IL10RA: variants seen among roughly 807,000 people sequenced by gnomAD.
The protein encoded by IL10RA is interleukin-10 receptor subunit alpha.
IL10RA carries 18 observed loss-of-function variants against 29.6 expected under a neutral mutation model. The ratio of observed to expected loss-of-function variants is 0.61; its 90% CI spans 0.42 to 0.90. IL10RA has a LOEUF of 0.90. IL10RA is among the 40% of genes least tolerant of loss of function. The pLI is 0.00. For missense variants in IL10RA, 634 were observed against 716.6 expected (o/e 0.88, Z 1.32); for synonymous variants, 292 against 294.1 (o/e 0.99, Z 0.07).
At chr11:117,996,934 C>G (rs1397266723) in intron 6 of IL10RA, among the ~76,000 whole-genome samples, 2 of 152,182 alleles carry the variant, frequency 1.3e-5, no homozygotes, top group Non-Finnish European at 1.5e-5. Flanking sequence ...GGTTTTTTCT[C>G]TTCAGGATAA....
chr11:117,997,850 A>T (rs760531908), intron 6 of IL10RA, among the ~76,000 whole-genome samples: 3 of 152,166 alleles, frequency 2.0e-5, no homozygotes, highest in Non-Finnish European at 2.9e-5. Context: ...GTATTCAGGA[A>T]GGCTTTGCTG....
Position 117,989,726 on chromosome 11 carries a change from GCCTCC to G in IL10RA, c.367+108_367+112del. On this transcript the variant is annotated intron_variant, in intron 3 of 6. Coordinates refer to ENST00000227752, the MANE Select transcript of IL10RA (RefSeq NM_001558.4). The surrounding 1 kb of genome is among the most constrained non-coding windows in gnomAD (Gnocchi z 4.5). ...TTACCATAGCTCACCATGTCTGCCA[GCCTCC>G]CTGGCCGGAGAACTAGTTGCCCAAA... is the stretch of plus-strand genomic sequence containing the variant. The G allele has an allele frequency of 8.4e-7, 1 of 1,185,844 alleles. No homozygotes were observed. The allele number at this position is 1,185,844 out of a possible 1,614,324, so 73.5% of individuals were successfully genotyped here.
Position 117,989,487 on chromosome 11 carries a change from C to T in IL10RA, c.234C>T (p.Thr78=), listed in dbSNP as rs745635561. ...SWNSISNCSQ[T]LSYDLTAVTL... is the part of the protein sequence containing the mutation. ...ACTCCATCTCCAACTGTAGCCAGAC[C>T]CTGTCCTATGACCTTACCGCAGTGA... Residue 78 remains threonine, a synonymous_variant, in exon 3 of 7, where the codon ACC becomes ACT. Coordinates refer to ENST00000227752, the MANE Select transcript of IL10RA (RefSeq NM_001558.4). This position sits in a 1 kb window ranked among gnomAD's most constrained non-coding sequence, Gnocchi z 4.5. 6.2e-7 allele frequency: 1 copy of T among 1,614,170 alleles called. No individual in the cohort carries two copies. Among genetic ancestry groups the T allele is most frequent in the Non-Finnish European group, 8.5e-7 (1 of 1,180,006 alleles).
intron 1 of IL10RA, 162 bp from the exon 2 acceptor site, chr11:117,988,220 A>G: frequency 7.4e-6 from 6 of 814,312 alleles, no homozygotes; most frequent in Non-Finnish European, 1.2e-5. Context: ...TAGCTCTAGA[A>G]TCAGACACAT....
intron 5 of IL10RA, 100 bp from the exon 6 acceptor site, chr11:117,995,489 C>A: frequency 6.6e-7 from 1 of 1,511,346 alleles, no homozygotes. Flanking sequence ...CTGAATGGTT[C>A]CTGACAGTGG....
At chr11:117,997,273 A>T (rs2058062519) in intron 6 of IL10RA, among the ~76,000 whole-genome samples, 1 of 152,212 alleles carries the variant, frequency 6.6e-6, no homozygotes, top group African/African-American at 2.4e-5. Context: ...AATTCAACAT[A>T]TATTTATTGA....
At chr11:117,988,345 C>T (rs1175367021) in intron 1 of IL10RA, 37 bp from the exon 2 acceptor site, 9 of 1,613,430 alleles carry the variant, frequency 5.6e-6, no homozygotes, top group African/African-American at 1.3e-5. Flanking sequence ...ATGCCTGCCC[C>T]CCCTCCCAGC....
chr11:117,995,369 C>T (rs553801451), intron 5 of IL10RA: 2 of 606,456 alleles, frequency 3.3e-6, no homozygotes, highest in East Asian at 6.0e-5. Context: ...AAGCAGTTAG[C>T]GCATCTCCTG....
intron 3 of IL10RA, among the ~76,000 whole-genome samples, chr11:117,991,275 G>C (rs1199076779): frequency 6.6e-6 from 1 of 152,114 alleles, no homozygotes; most frequent in African/African-American, 2.4e-5. Flanking sequence ...TAATTGACAA[G>C]TAATAATTCT....
At chr11:117,990,500 A>G (rs185150727) in intron 3 of IL10RA, among the ~76,000 whole-genome samples, 1 of 152,326 alleles carries the variant, frequency 6.6e-6, no homozygotes, top group East Asian at 1.9e-4. Context: ...ACATGTGATA[A>G]CAGCATGGTA....
At chr11:117,995,897 C>T (rs1033389631) in intron 6 of IL10RA, among the ~76,000 whole-genome samples, 187 bp downstream of exon 6, 20 of 152,100 alleles carry the variant, frequency 1.3e-4, no homozygotes, top group African/African-American at 9.7e-5. Context: ...AGCATGAAGC[C>T]CAGTACCGAG....
intron 5 of IL10RA, 68 bp from the exon 6 acceptor site, chr11:117,995,521 G>C: frequency 1.9e-6 from 3 of 1,600,494 alleles, no homozygotes. Context: ...CATGGGACCA[G>C]AGTCCTATGT....
intron 6 of IL10RA, among the ~76,000 whole-genome samples, chr11:117,997,043 A>T (rs1050905570): frequency 1.3e-5 from 2 of 152,198 alleles, no homozygotes; most frequent in Admixed American, 6.5e-5. Context: ...GTTCTCATTC[A>T]TTAGCTTGTT....
chr11:117,998,179 C>T (rs532079465), intron 6 of IL10RA, among the ~76,000 whole-genome samples: 13 of 152,174 alleles, frequency 8.5e-5, no homozygotes, highest in East Asian at 7.7e-4. Context: ...GTCTTACATC[C>T]AGAATTTTAG....
intron 3 of IL10RA, among the ~76,000 whole-genome samples, chr11:117,990,477 GTATT>G (rs1321011204): frequency 6.6e-6 from 1 of 152,014 alleles, no homozygotes; most frequent in Non-Finnish European, 1.5e-5. Flanking sequence ...ATATTACTAG[GTATT>G]TGTTTGTTAC....
At chr11:117,994,678 G>A (rs965794620) in intron 5 of IL10RA, among the ~76,000 whole-genome samples, 1 of 152,226 alleles carries the variant, frequency 6.6e-6, no homozygotes, top group South Asian at 2.1e-4. Context: ...TGCCTAGGAG[G>A]ATCTTGCATC....
At position 117,989,671 on chromosome 11, in the gene IL10RA, A is replaced by G. The variant is rs573760785; in HGVS notation, c.367+51A>G. ...CATGGCTCTGAAGTCCCTTCCAGCC[A>G]GGAACTCTAGTCTAGAGCTTTTCTG... On this transcript the variant is annotated intron_variant, in intron 3 of 6. Transcript: ENST00000227752. The surrounding 1 kb of genome is among the most constrained non-coding windows in gnomAD (Gnocchi z 4.5). The G allele has an allele frequency of 3.4e-5, 54 of 1,566,046 alleles. No individual in the cohort carries two copies. The highest frequency in any genetic ancestry group is 4.7e-5 in the Non-Finnish European group (54 of 1,142,582).
rs1022765340 is a variant in IL10RA at position 117,993,139 on chromosome 11, C to T, written c.368-102C>T. 1.4e-4 allele frequency: 147 copies of T among 1,086,072 alleles called. 1 individual carries two copies. In the South Asian group the frequency reaches 1.8e-3, roughly 14 times the overall value. 67.3% of individuals were successfully genotyped at this position (1,086,072 alleles called of 1,614,324 possible). ...TGTGGCCAAGTTTTAGGCCTAGGTT[C>T]TAATTAAGCTTAATTCTGGAGGCAA... On this transcript the variant is annotated intron_variant, in intron 3 of 6. Coordinates refer to ENST00000227752, the MANE Select transcript of IL10RA (RefSeq NM_001558.4).
Position 117,989,291 on chromosome 11 carries a change from A to G in IL10RA, c.189-151A>G, listed in dbSNP as rs2058007245. ...CCCAAGACCAAGGGAGACCCCTCACAATGAGCTGCCGTGGACTAGAGGATA... is the reference window on the plus strand; with the variant it reads ...CCCAAGACCAAGGGAGACCCCTCACGATGAGCTGCCGTGGACTAGAGGATA... On this transcript the variant is annotated intron_variant, in intron 2 of 6. Transcript: ENST00000227752. The surrounding 1 kb of genome is among the most constrained non-coding windows in gnomAD (Gnocchi z 4.5). The G allele has an allele frequency of 2.7e-6, 2 of 753,140 alleles. No homozygotes were observed. Among genetic ancestry groups the G allele is most frequent in the Admixed American group, 2.0e-5 (1 of 50,756 alleles). 46.7% of individuals were successfully genotyped at this position (753,140 alleles called of 1,614,324 possible).
Sources: allele counts gnomAD v4.1 joint callset (sites outside exome capture counted in the v4.1 genomes callset), GRCh38; gene constraint gnomAD v4.1.1; non-coding constraint Gnocchi (gnomAD v3.1); transcripts MANE v1.5; gene names NCBI Gene and HGNC (gene_info 2026-07-23, HGNC 2026-07-21).